The following PDZD9 variants were observed in gnomAD, a reference collection of about 807,000 sequenced individuals.
PDZD9 encodes PDZ domain-containing protein 9.
PDZD9 carries 13 observed loss-of-function variants against 16.3 expected under a neutral mutation model. The ratio of observed to expected loss-of-function variants is 0.80; its 90% CI spans 0.52 to 1.27. PDZD9 has a LOEUF of 1.27. Ranked by LOEUF, PDZD9 falls within the 50% of genes most tolerant of loss-of-function variation. The pLI is 0.00. For missense variants in PDZD9, 288 were observed against 310.9 expected (o/e 0.93, Z 0.55); for synonymous variants, 120 against 111.0 (o/e 1.08, Z -0.51).
Position 21,984,127 on chromosome 16 carries a change from TA to T in PDZD9, c.*139del. 1 of 923,810 alleles carries T rather than the reference TA, an allele frequency of 1.1e-6. No homozygotes were observed. Among genetic ancestry groups the T allele is most frequent in the Non-Finnish European group, 1.6e-6 (1 of 631,300 alleles). 57.2% of individuals were successfully genotyped at this position (923,810 alleles called of 1,614,324 possible). A position where few individuals can be genotyped will look rare whatever the true frequency, so the allele number is the denominator to read the frequency against. ...AGATAATCCTGTTGAAGAACATCTCTAAAGGCTTTATAACGCAGTCATAAGA... is the reference window on the plus strand; with the variant it reads ...AGATAATCCTGTTGAAGAACATCTCTAAGGCTTTATAACGCAGTCATAAGA... On this transcript the variant is annotated 3_prime_UTR_variant, in exon 4 of 4. Transcript: ENST00000424898.
chr16:21,972,147 T>A, the PDZD9 span: 1 of 1,599,554 alleles, frequency 6.3e-7, no homozygotes, highest in Middle Eastern at 1.7e-4. Context: ...TTGGTATCTC[T>A]CTTTTTGCTT....
the PDZD9 span, chr16:21,958,552 A>G: frequency 4.1e-5 from 66 of 1,612,498 alleles, no homozygotes; most frequent in Non-Finnish European, 5.3e-5. Flanking sequence ...AAGGAGCTTC[A>G]TCTTTCAAGA....
At chr16:21,973,915 G>A in the PDZD9 span, 1 of 1,612,862 alleles carries the variant, frequency 6.2e-7, no homozygotes, top group Non-Finnish European at 8.5e-7. Flanking sequence ...TTTAATGCCA[G>A]TTACTCAGAT....
chr16:21,966,032 G>T, the PDZD9 span, among the ~76,000 whole-genome samples: 2,465 of 151,930 alleles, frequency 0.016, 29 homozygotes, highest in Admixed American at 0.027. Flanking sequence ...TCATAATAGG[G>T]GCTGGGCCCA....
At chr16:21,975,317 GGAAGA>G in the PDZD9 span, among the ~76,000 whole-genome samples, 3 of 152,144 alleles carry the variant, frequency 2.0e-5, no homozygotes, top group East Asian at 5.8e-4. Context: ...TTGATAAAGT[GGAAGA>G]ATAAGGATAG....
chr16:21,988,808 T>A lies in PDZD9; in HGVS notation c.212-17A>T, dbSNP rs746173459. 1.8e-5 allele frequency: 29 copies of A among 1,577,238 alleles called. No homozygotes were observed. The highest frequency in any genetic ancestry group is 6.8e-5 in the African/African-American group (5 of 73,270). ...GAACATCACCTGAAGAGGGAAAAAA[T>A]TATGTATCAGTAAAACTAGAGGTTT... On this transcript the variant is annotated splice_polypyrimidine_tract_variant and intron_variant, in intron 2 of 3. Transcript: ENST00000424898.
the PDZD9 span, chr16:21,972,266 G>T: frequency 1.8e-6 from 2 of 1,126,564 alleles, no homozygotes; most frequent in Non-Finnish European, 2.5e-6. Context: ...CTTGATTTTA[G>T]TATCTTTGAA....
chr16:21,974,859 T>C, the PDZD9 span, among the ~76,000 whole-genome samples: 5 of 152,222 alleles, frequency 3.3e-5, no homozygotes, highest in African/African-American at 1.2e-4. Flanking sequence ...TTGGAAGATA[T>C]TGGGAAGATG....
chr16:21,983,353 T>G (rs1015114844), downstream of PDZD9: 4 of 539,898 alleles, frequency 7.4e-6, no homozygotes, highest in South Asian at 1.2e-4. Context: ...TTTAAGTGTT[T>G]TTCTTACGTT....
the PDZD9 span, chr16:21,976,095 AAAG>A: frequency 8.6e-6 from 9 of 1,048,414 alleles, no homozygotes; most frequent in Middle Eastern, 2.0e-4. Context: ...TTGCCTCAGT[AAAG>A]AAGTGTGTCA....
At chr16:21,958,409 T>C in the PDZD9 span, 1 of 816,600 alleles carries the variant, frequency 1.2e-6, no homozygotes, top group Non-Finnish European at 2.0e-6. Context: ...AATTCTTAAC[T>C]AAAAAGGATG....
chr16:21,972,076 G>T, the PDZD9 span: 1 of 1,614,090 alleles, frequency 6.2e-7, no homozygotes, highest in South Asian at 1.1e-5. Flanking sequence ...AACACCACCA[G>T]CCATCTGCAC....
At chr16:21,972,890 A>G in the PDZD9 span, among the ~76,000 whole-genome samples, 1 of 152,208 alleles carries the variant, frequency 6.6e-6, no homozygotes, top group Non-Finnish European at 1.5e-5. Flanking sequence ...TCACAAGGTC[A>G]GGAGATCAAG....
downstream of PDZD9, chr16:21,980,202 T>C (rs1898684583): frequency 4.2e-6 from 1 of 239,504 alleles, no homozygotes; most frequent in South Asian, 8.7e-5. Flanking sequence ...ATGCAGAGGA[T>C]CCAGATTGCA....
downstream of PDZD9, chr16:21,980,766 G>T: frequency 6.3e-7 from 1 of 1,576,064 alleles, no homozygotes. Flanking sequence ...AATTTCAGAA[G>T]GATGCATAAG....
chr16:21,988,629 A>G lies in PDZD9; in HGVS notation c.374T>C (p.Ile125Thr). ...TGTTACTGGGAATTTGGCCTCAGGGATTAAATCATATATTTCTTGCCATTC... is the reference window on the plus strand; with the variant it reads ...TGTTACTGGGAATTTGGCCTCAGGGGTTAAATCATATATTTCTTGCCATTC... ...PEEWQEIYDL[I>T]PEAKFPVTST... Residue 125 changes from isoleucine to threonine, a missense_variant, in exon 3 of 4, where the codon ATC (isoleucine) becomes ACC (threonine). Transcript: ENST00000424898. 6.2e-7 allele frequency: 1 copy of G among 1,612,398 alleles called. No individual in the cohort carries two copies. The highest frequency in any genetic ancestry group is 8.5e-7 in the Non-Finnish European group (1 of 1,179,292).
chr16:21,979,447 A>T (rs976451230), downstream of PDZD9, among the ~76,000 whole-genome samples: 12 of 152,198 alleles, frequency 7.9e-5, no homozygotes, highest in African/African-American at 2.9e-4. Context: ...TCTAGATGGT[A>T]TAGCCTACTA....
At chr16:21,997,764 G>C (rs992224560) in intron 1 of PDZD9, among the ~76,000 whole-genome samples, 4 of 152,172 alleles carry the variant, frequency 2.6e-5, no homozygotes, top group Non-Finnish European at 2.9e-5. Context: ...AAGTTGCTAG[G>C]AAACTCCTTT....
chr16:22,000,865 ATGATG>A (rs1899280961), intron 1 of PDZD9, among the ~76,000 whole-genome samples, 147 bp downstream of exon 1: 1 of 151,738 alleles, frequency 6.6e-6, no homozygotes, highest in African/African-American at 2.4e-5. Flanking sequence ...GATGATGATG[ATGATG>A]ATGATAATGA....
Sources: gnomAD v4.1 joint callset for allele counts (sites outside exome capture counted in the v4.1 genomes callset) on GRCh38, gnomAD v4.1.1 for gene constraint, MANE v1.5 for transcripts, NCBI Gene and HGNC (gene_info 2026-07-23, HGNC 2026-07-21) for gene names.